PDE4D: variants seen among roughly 807,000 people sequenced by gnomAD.
PDE4D encodes the protein 3',5'-cyclic-AMP phosphodiesterase 4D.
PDE4D carries 24 observed loss-of-function variants against 87.4 expected under a neutral mutation model. The ratio of observed to expected loss-of-function variants is 0.27; its 90% confidence interval spans 0.20 to 0.39. PDE4D has a LOEUF of 0.39. Ranked by LOEUF, PDE4D falls within the 10% of genes least tolerant of loss-of-function variation. The pLI is 1.00. For synonymous variants in PDE4D, 384 were observed against 383.2 expected (o/e 1.00, Z -0.02); for missense variants, 714 against 1,041.0 (o/e 0.69, Z 4.32).
chr5:60,128,261 T>C (rs1213208539), intron 2 of PDE4D, among the ~76,000 whole-genome samples: 2 of 152,198 alleles, frequency 1.3e-5, no homozygotes, highest in East Asian at 3.8e-4. Context: ...ATAAATATAA[T>C]ATGGATGCAA....
At chr5:60,473,888 G>A (rs951489039) in intron 1 of PDE4D, among the ~76,000 whole-genome samples, 2 of 131,284 alleles carry the variant, frequency 1.5e-5, no homozygotes, top group African/African-American at 5.8e-5. Flanking sequence ...GCATTATTCT[G>A]CTTCAAAGCC....
intron 1 of PDE4D, among the ~76,000 whole-genome samples, chr5:60,266,095 G>C (rs997323939): frequency 2.0e-5 from 3 of 152,034 alleles, no homozygotes; most frequent in Admixed American, 2.0e-4. Flanking sequence ...TAGATGCAGC[G>C]GGAAGAAGGA....
intron 3 of PDE4D, among the ~76,000 whole-genome samples, chr5:59,954,792 T>C (rs889213429): frequency 1.3e-5 from 2 of 152,202 alleles, no homozygotes; most frequent in Non-Finnish European, 2.9e-5. Flanking sequence ...TAAGTGGACT[T>C]ACATTAAATA....
chr5:60,030,389 G>T (rs1201279592), intron 2 of PDE4D, among the ~76,000 whole-genome samples: 1 of 152,166 alleles, frequency 6.6e-6, no homozygotes, highest in African/African-American at 2.4e-5. Flanking sequence ...AGCGGAGCTT[G>T]CAGTGAGCCG....
intron 1 of PDE4D, among the ~76,000 whole-genome samples, chr5:59,762,893 A>ATATATATATATATG (rs70975330): frequency 9.4e-6 from 1 of 105,906 alleles, no homozygotes; most frequent in Non-Finnish European, 2.0e-5. Flanking sequence ...ATATATATAT[A>ATATATATATATATG]GCTTGCTCTT....
At chr5:59,249,337 T>C (rs6858946) in intron 1 of PDE4D, among the ~76,000 whole-genome samples, 40,735 of 152,044 alleles carry the variant, frequency 0.27, 5,924 homozygotes, top group Admixed American at 0.39. Flanking sequence ...CACAGTAAGA[T>C]GAGAACTCTC....
intron 5 of PDE4D, among the ~76,000 whole-genome samples, chr5:59,113,456 A>G (rs1773030298): frequency 1.3e-5 from 2 of 152,218 alleles, no homozygotes; most frequent in Non-Finnish European, 2.9e-5. Flanking sequence ...GTTATCAAAA[A>G]CACATCAACA....
intron 2 of PDE4D, among the ~76,000 whole-genome samples, chr5:60,014,090 T>TCAAAAA (rs1561980234): frequency 8.3e-6 from 1 of 120,788 alleles, no homozygotes; most frequent in African/African-American, 3.5e-5. Context: ...AGACTCCACC[T>TCAAAAA]TAAAAAAAAA....
At chr5:59,516,822 T>C (rs900596380) in intron 1 of PDE4D, among the ~76,000 whole-genome samples, 1 of 152,146 alleles carries the variant, frequency 6.6e-6, no homozygotes, top group Non-Finnish European at 1.5e-5. Flanking sequence ...TACCACTAGA[T>C]TGACAAAAAA....
At chr5:60,413,991 T>G (rs968039122) in intron 1 of PDE4D, among the ~76,000 whole-genome samples, 1 of 152,226 alleles carries the variant, frequency 6.6e-6, no homozygotes. Context: ...TACAATTAAT[T>G]GCATGCACTT....
intron 3 of PDE4D, among the ~76,000 whole-genome samples, chr5:59,917,274 AC>A (rs1754170301): frequency 6.6e-6 from 1 of 152,166 alleles, no homozygotes; most frequent in South Asian, 2.1e-4. Flanking sequence ...TGTGTCATTA[AC>A]CTCATTCTGT....
At chr5:59,580,706 C>T (rs1382330728) in intron 1 of PDE4D, among the ~76,000 whole-genome samples, 2 of 152,000 alleles carry the variant, frequency 1.3e-5, no homozygotes, top group Non-Finnish European at 2.9e-5. Context: ...ATTGTTATTA[C>T]CAATGTGCTA....
chr5:59,653,610 G>A (rs1218014684), intron 1 of PDE4D, among the ~76,000 whole-genome samples: 2 of 152,142 alleles, frequency 1.3e-5, no homozygotes, highest in African/African-American at 2.4e-5. Context: ...AAGAAAGGAG[G>A]AGAGAATTCA....
At chr5:59,619,288 CTCTT>C (rs1340682884) in intron 1 of PDE4D, among the ~76,000 whole-genome samples, 1 of 152,066 alleles carries the variant, frequency 6.6e-6, no homozygotes, top group Non-Finnish European at 1.5e-5. Flanking sequence ...CAAGGAGGCT[CTCTT>C]GGACACATCA....
chr5:60,243,000 ATGAAAT>A (rs1336902859), intron 1 of PDE4D, among the ~76,000 whole-genome samples: 5 of 152,172 alleles, frequency 3.3e-5, no homozygotes, highest in Admixed American at 3.3e-4. Flanking sequence ...GCAGAAATAA[ATGAAAT>A]TGAAACAAGG....
At chr5:59,659,870 A>C (rs1744959714) in intron 1 of PDE4D, among the ~76,000 whole-genome samples, 1 of 152,096 alleles carries the variant, frequency 6.6e-6, no homozygotes, top group African/African-American at 2.4e-5. Flanking sequence ...TCTCATAACA[A>C]ACTTGATTTA....
intron 1 of PDE4D, among the ~76,000 whole-genome samples, chr5:60,484,032 T>G (rs1748935582): frequency 6.6e-6 from 1 of 152,128 alleles, no homozygotes; most frequent in Admixed American, 6.5e-5. Flanking sequence ...AATTTGGGAT[T>G]CAAAACTGCT....
chr5:60,361,669 TG>T (rs1242855210), intron 1 of PDE4D, among the ~76,000 whole-genome samples: 4 of 152,320 alleles, frequency 2.6e-5, no homozygotes, highest in Non-Finnish European at 1.5e-5. Flanking sequence ...TTTAACCACC[TG>T]GGGTAACATC....
intron 1 of PDE4D, among the ~76,000 whole-genome samples, chr5:59,397,839 C>T (rs1411108032): frequency 2.6e-5 from 3 of 115,418 alleles, no homozygotes; most frequent in Non-Finnish European, 5.4e-5. Context: ...GCTAGCAAGA[C>T]TAATAAAGAA....
Sources: gnomAD v4.1 joint callset for allele counts (sites outside exome capture counted in the v4.1 genomes callset) on GRCh38, gnomAD v4.1.1 for gene constraint, MANE v1.5 for transcripts, NCBI Gene and HGNC (gene_info 2026-07-23, HGNC 2026-07-21) for gene names.